The following GRM5 variants were observed in gnomAD, a reference collection of about 807,000 sequenced individuals.
The protein encoded by GRM5 is glutamate metabotropic receptor 5, also known as metabotropic glutamate receptor 5.
GRM5 carries 19 observed loss-of-function variants against 83.1 expected under a neutral mutation model. The observed-to-expected ratio is 0.23, with a 90% CI of 0.16 to 0.34. The LOEUF is 0.34. GRM5 is among the 10% of genes least tolerant of loss of function. The pLI is 1.00. For missense variants in GRM5, 1,160 were observed against 1,588.3 expected, an observed-to-expected ratio of 0.73 and a Z score of 4.58; for synonymous variants, 675 against 633.6, an observed-to-expected ratio of 1.07 and a Z score of -0.98.
chr11:88,740,612 C>A (rs1303486195), intron 3 of GRM5, among the ~76,000 whole-genome samples: 1 of 152,032 alleles, frequency 6.6e-6, no homozygotes, highest in Non-Finnish European at 1.5e-5. Context: ...ACCAGAGTGA[C>A]AGAGTTGAGA....
At chr11:88,890,636 C>T (rs188512229) in intron 2 of GRM5, among the ~76,000 whole-genome samples, 39 of 152,170 alleles carry the variant, frequency 2.6e-4, no homozygotes, top group Middle Eastern at 3.4e-3. Flanking sequence ...TGGTCTAAAT[C>T]GTAAAACAGA....
At chr11:88,729,558 C>T (rs1941760087) in intron 3 of GRM5, among the ~76,000 whole-genome samples, 1 of 152,022 alleles carries the variant, frequency 6.6e-6, no homozygotes, top group African/African-American at 2.4e-5. Context: ...ATAAAAGAGC[C>T]CATATAGCCA....
intron 8 of GRM5, among the ~76,000 whole-genome samples, chr11:88,561,857 T>C (rs1942763694): frequency 6.6e-6 from 1 of 152,152 alleles, no homozygotes; most frequent in South Asian, 2.1e-4. Flanking sequence ...GTGCTCTAGG[T>C]TGAGCCAATT....
rs57287884 is a variant in GRM5 at position 88,588,021 on chromosome 11, T to TA, written c.1690+2579dup. ...GGAAGAAACGATAATTACTTTCTCC[T>TA]ACATGAGCAAGGAAATAAAAAAGAC... On this transcript the variant is annotated intron_variant, in intron 7 of 9. Coordinates refer to ENST00000305447, the MANE Select transcript of GRM5 (RefSeq NM_001143831.3). 5.0e-3 allele frequency among the ~76,000 whole-genome samples: 768 copies of TA among 152,306 alleles called. 5 individuals are homozygous for TA. Among genetic ancestry groups the TA allele is most frequent in the African/African-American group, 0.018 (739 of 41,568 alleles).
chr11:88,586,186 C>T (rs1478370449), intron 7 of GRM5, among the ~76,000 whole-genome samples: 1 of 149,776 alleles, frequency 6.7e-6, no homozygotes, highest in African/African-American at 2.5e-5. Context: ...CCTGTAAACA[C>T]CTTAACGTTA....
intron 2 of GRM5, among the ~76,000 whole-genome samples, chr11:88,889,666 A>G (rs1468287123): frequency 1.3e-5 from 2 of 152,092 alleles, no homozygotes; most frequent in Middle Eastern, 3.4e-3. Context: ...AGGCCTTTAT[A>G]TTTTTCTCTT....
intron 7 of GRM5, among the ~76,000 whole-genome samples, chr11:88,570,571 A>ATTTTT (rs1194098388): frequency 1.9e-4 from 9 of 46,378 alleles, no homozygotes; most frequent in Admixed American, 2.9e-4. Flanking sequence ...ATATATATAT[A>ATTTTT]TTTTTTTTTT....
At chr11:88,533,059 C>A (rs922421211) in intron 8 of GRM5, among the ~76,000 whole-genome samples, 1 of 152,132 alleles carries the variant, frequency 6.6e-6, no homozygotes, top group African/African-American at 2.4e-5. Context: ...CAACCTCCAC[C>A]CAGCAAGCAG....
intron 1 of GRM5, among the ~76,000 whole-genome samples, chr11:89,060,663 T>C (rs1941973364): frequency 2.6e-5 from 4 of 152,082 alleles, no homozygotes; most frequent in South Asian, 2.1e-4. Context: ...TTATATATAG[T>C]TAAAAGATGA....
At chr11:88,532,407 T>C (rs1942033648) in intron 8 of GRM5, among the ~76,000 whole-genome samples, 1 of 152,128 alleles carries the variant, frequency 6.6e-6, no homozygotes, top group South Asian at 2.1e-4. Flanking sequence ...TGAGGGACAT[T>C]TGAACTATAG....
At chr11:88,650,238 G>A (rs776159727) in intron 4 of GRM5, among the ~76,000 whole-genome samples, 26 of 151,766 alleles carry the variant, frequency 1.7e-4, no homozygotes, top group Non-Finnish European at 2.8e-4. Context: ...AAAACAAGTA[G>A]TAAATGAGAG....
intron 3 of GRM5, among the ~76,000 whole-genome samples, chr11:88,687,960 A>G (rs1231590374): frequency 6.6e-6 from 1 of 152,064 alleles, no homozygotes; most frequent in Non-Finnish European, 1.5e-5. Flanking sequence ...AGTCCCAAAT[A>G]TTTAATTTTA....
intron 3 of GRM5, among the ~76,000 whole-genome samples, chr11:88,678,258 T>C (rs1473506720): frequency 6.6e-6 from 1 of 151,966 alleles, no homozygotes. Flanking sequence ...GGGGTCTTTC[T>C]ATGTTAGCCA....
intron 3 of GRM5, among the ~76,000 whole-genome samples, chr11:88,747,310 T>C (rs1942164889): frequency 6.6e-6 from 1 of 152,174 alleles, no homozygotes; most frequent in African/African-American, 2.4e-5. Context: ...ACACATTCCT[T>C]AGACTTAAGC....
intron 2 of GRM5, among the ~76,000 whole-genome samples, chr11:89,005,768 G>A (rs1300165977): frequency 6.6e-6 from 1 of 152,128 alleles, no homozygotes; most frequent in African/African-American, 2.4e-5. Context: ...GTTGTACGAA[G>A]GATACAGGGA....
chr11:89,046,295 T>G (rs1369713360), intron 2 of GRM5, among the ~76,000 whole-genome samples: 1 of 152,198 alleles, frequency 6.6e-6, no homozygotes, highest in Admixed American at 6.6e-5. Flanking sequence ...TTTAAGAATC[T>G]CAACAAATAC....
At chr11:89,046,029 T>C (rs1182809194) in intron 2 of GRM5, among the ~76,000 whole-genome samples, 1 of 152,192 alleles carries the variant, frequency 6.6e-6, no homozygotes, top group East Asian at 1.9e-4. Context: ...TGTAACATTG[T>C]GTCATTTTGA....
chr11:88,846,683 T>G (rs1290003715), intron 3 of GRM5, among the ~76,000 whole-genome samples: 1 of 152,186 alleles, frequency 6.6e-6, no homozygotes, highest in African/African-American at 2.4e-5. Flanking sequence ...TAGCCTTTTT[T>G]TTTTTCCACA....
At chr11:88,763,115 C>G (rs1025069962) in intron 3 of GRM5, among the ~76,000 whole-genome samples, 3 of 151,862 alleles carry the variant, frequency 2.0e-5, no homozygotes, top group Non-Finnish European at 4.4e-5. Context: ...TACAACAAAC[C>G]CCCATGACAC....
Sources: allele counts gnomAD v4.1 joint callset (sites outside exome capture counted in the v4.1 genomes callset), GRCh38; gene constraint gnomAD v4.1.1; transcripts MANE v1.5; gene names NCBI Gene and HGNC (gene_info 2026-07-23, HGNC 2026-07-21).